TAF3: variants seen among roughly 807,000 people sequenced by gnomAD.
TAF3 encodes TATA-box binding protein associated factor 3.
A neutral mutation model predicts 80.6 loss-of-function variants in TAF3; 7 were observed. The ratio of observed to expected loss-of-function variants is 0.09; its 90% CI spans 0.05 to 0.16. TAF3 has a LOEUF of 0.16. TAF3 is among the 10% of genes least tolerant of loss of function. The pLI, the probability that TAF3 is intolerant of heterozygous loss-of-function variation, is 1.00. For missense variants in TAF3, 921 were observed against 1,140.2 expected, an observed-to-expected ratio of 0.81 and a Z score of 2.77; for synonymous variants, 444 against 446.1, an observed-to-expected ratio of 1.00 and a Z score of 0.06.
rs1458377977 is a variant in TAF3, at chr10:8,009,709, C to T, written c.2568+379C>T. ...AGATCTCAGCTCACTGCAACCTCCA[C>T]CTCCCAGGTTCAAGCGATTCTCCTG... On this transcript the variant is annotated intron_variant, in intron 5 of 6. Transcript: ENST00000344293. This position sits in a 1 kb window ranked among gnomAD's most constrained non-coding sequence, Gnocchi z 4.1. 6.6e-6 allele frequency among the ~76,000 whole-genome samples: 1 copy of T among 152,026 alleles called. No homozygotes were observed. The highest frequency in any genetic ancestry group is 1.9e-4 in the East Asian group (1 of 5,182).
At chr10:7,917,661 G>A (rs1003351947) in intron 2 of TAF3, among the ~76,000 whole-genome samples, 5 of 152,216 alleles carry the variant, frequency 3.3e-5, no homozygotes, top group East Asian at 3.8e-4. Context: ...GGCCGTCACC[G>A]GTTGGGGGAA....
chr10:7,903,097 G>A (rs909108973), intron 2 of TAF3, among the ~76,000 whole-genome samples: 6 of 152,110 alleles, frequency 3.9e-5, no homozygotes, highest in African/African-American at 7.2e-5. Flanking sequence ...TGACACACCC[G>A]TGCTCCCAGC....
chr10:7,982,653 G>A (rs758337147), intron 4 of TAF3, among the ~76,000 whole-genome samples: 81 of 152,308 alleles, frequency 5.3e-4, no homozygotes, highest in South Asian at 1.2e-3. Flanking sequence ...ACCTGCCTTG[G>A]CTTCCCAAAG....
intron 2 of TAF3, among the ~76,000 whole-genome samples, chr10:7,946,494 C>T (rs575832680): frequency 6.6e-6 from 1 of 152,312 alleles, no homozygotes; most frequent in South Asian, 2.1e-4. Flanking sequence ...GAGGCCGAGG[C>T]AGGCAGATTA....
At chr10:7,910,806 A>G (rs1370281858) in intron 2 of TAF3, among the ~76,000 whole-genome samples, 1 of 152,260 alleles carries the variant, frequency 6.6e-6, no homozygotes, top group African/African-American at 2.4e-5. Flanking sequence ...GAATTTATTT[A>G]TTGTATACTG....
At chr10:7,996,334 C>T (rs1173176263) in intron 4 of TAF3, among the ~76,000 whole-genome samples, 2 of 152,194 alleles carry the variant, frequency 1.3e-5, no homozygotes, top group Non-Finnish European at 2.9e-5. Context: ...CACAGTGTAG[C>T]TGGCTGTCCC....
chr10:8,009,159 C>G lies in TAF3; in HGVS notation c.2397C>G (p.Pro799=). The G allele has an allele frequency of 6.4e-7, 1 of 1,560,816 alleles. No individual in the cohort carries two copies. Among genetic ancestry groups the G allele is most frequent in the South Asian group, 1.1e-5 (1 of 88,806 alleles). Residue 799 remains proline (P), a synonymous_variant, in exon 5 of 7, where the codon CCC becomes CCG. Coordinates refer to ENST00000344293, the MANE Select transcript of TAF3 (RefSeq NM_031923.4). This position sits in a 1 kb window ranked among gnomAD's most constrained non-coding sequence, Gnocchi z 4.1. ...GGCCGAAGACCCCACCGCCGGCCCC[C>G]GCGCCCGCCCCCGGCCCCATGCTCG... ...QNRPKTPPPA[P]APAPGPMLVS...
chr10:7,977,873 G>A (rs1046754549), intron 4 of TAF3, among the ~76,000 whole-genome samples: 18 of 152,228 alleles, frequency 1.2e-4, no homozygotes, highest in Non-Finnish European at 2.5e-4. Flanking sequence ...CCCCACGTTT[G>A]CTGTTTATTT....
At chr10:7,826,201 G>A (rs906355021) in intron 2 of TAF3, among the ~76,000 whole-genome samples, 1 of 152,154 alleles carries the variant, frequency 6.6e-6, no homozygotes, top group African/African-American at 2.4e-5. Context: ...GATCTTAGCT[G>A]CAGTGGGTTC....
chr10:7,851,998 G>C (rs1220874765), intron 2 of TAF3, among the ~76,000 whole-genome samples: 1 of 151,478 alleles, frequency 6.6e-6, no homozygotes, highest in Non-Finnish European at 1.5e-5. Context: ...TGCCCAGGTT[G>C]GTCTTGAACT....
chr10:7,911,504 A>G (rs4749342), intron 2 of TAF3, among the ~76,000 whole-genome samples: 29,941 of 152,172 alleles, frequency 0.2, 3,065 homozygotes, highest in East Asian at 0.3. Flanking sequence ...TGTACTTGGT[A>G]TGATAGTACA....
At chr10:7,973,179 C>T (rs1311958647) in intron 3 of TAF3, among the ~76,000 whole-genome samples, 4 of 152,162 alleles carry the variant, frequency 2.6e-5, no homozygotes, top group Non-Finnish European at 5.9e-5. Flanking sequence ...AAATAGGACA[C>T]AGTTCACCAA....
chr10:7,843,912 G>A (rs551967346), intron 2 of TAF3, among the ~76,000 whole-genome samples: 2 of 151,854 alleles, frequency 1.3e-5, no homozygotes, highest in Non-Finnish European at 2.9e-5. Context: ...ATAAGAAAAC[G>A]GACTGTTTTA....
chr10:7,830,754 G>A (rs1041474419), intron 2 of TAF3, among the ~76,000 whole-genome samples: 1 of 152,136 alleles, frequency 6.6e-6, no homozygotes, highest in Admixed American at 6.6e-5. Flanking sequence ...AAAGTGCTGG[G>A]ATTCCAGGCG....
At chr10:8,000,860 C>T (rs2131434821) in intron 4 of TAF3, among the ~76,000 whole-genome samples, 1 of 152,250 alleles carries the variant, frequency 6.6e-6, no homozygotes, top group South Asian at 2.1e-4. Context: ...TTCTTTCAAA[C>T]TTTTTTCTAA....
At chr10:7,992,643 A>G (rs977709898) in intron 4 of TAF3, among the ~76,000 whole-genome samples, 5 of 152,230 alleles carry the variant, frequency 3.3e-5, no homozygotes, top group Non-Finnish European at 7.3e-5. Context: ...TAATGAATGC[A>G]CATTTTCCCC....
intron 4 of TAF3, among the ~76,000 whole-genome samples, chr10:8,005,190 A>T (rs980533668): frequency 6.6e-6 from 1 of 152,072 alleles, no homozygotes; most frequent in Non-Finnish European, 1.5e-5. Context: ...AAGTTGTTTT[A>T]TAGTTGATAA....
chr10:7,827,696 C>T (rs1459913826), intron 2 of TAF3, among the ~76,000 whole-genome samples: 5 of 150,760 alleles, frequency 3.3e-5, no homozygotes, highest in Non-Finnish European at 5.9e-5. Context: ...AGGAGAATGG[C>T]GTGAACAGAG....
chr10:7,922,966 A>G (rs763439583), intron 2 of TAF3, among the ~76,000 whole-genome samples: 7 of 152,106 alleles, frequency 4.6e-5, no homozygotes, highest in Non-Finnish European at 8.8e-5. Flanking sequence ...GCTTAATAAC[A>G]TTAGTTTCTC....
Sources: allele counts gnomAD v4.1 joint callset (sites outside exome capture counted in the v4.1 genomes callset), GRCh38; gene constraint gnomAD v4.1.1; non-coding constraint Gnocchi (gnomAD v3.1); transcripts MANE v1.5; gene names NCBI Gene and HGNC (gene_info 2026-07-23, HGNC 2026-07-21).